PPP4R1: variants seen among roughly 807,000 people sequenced by gnomAD.
The protein encoded by PPP4R1 is serine/threonine-protein phosphatase 4 regulatory subunit 1.
In PPP4R1, 42 loss-of-function variants were observed where a neutral mutation model predicts 111.2. That is an observed-to-expected ratio of 0.38 (90% CI 0.29 to 0.49). The LOEUF (loss-of-function observed/expected upper bound fraction) is 0.49. PPP4R1 is among the 20% of genes least tolerant of loss of function. The pLI, the probability that PPP4R1 is intolerant of heterozygous loss-of-function variation, is 0.97. For missense variants in PPP4R1, 1,012 were observed against 1,161.6 expected (o/e 0.87, Z 1.87); for synonymous variants, 409 against 405.5 (o/e 1.01, Z -0.10).
At chr18:9,566,787 C>G (rs191701613) in intron 11 of PPP4R1, among the ~76,000 whole-genome samples, 1 of 152,166 alleles carries the variant, frequency 6.6e-6, no homozygotes, top group Non-Finnish European at 1.5e-5. Context: ...AAAAGTAAAG[C>G]CTGGATGAGA....
At chr18:9,608,914 GT>G (rs1446407133) in intron 2 of PPP4R1, among the ~76,000 whole-genome samples, 7 of 152,178 alleles carry the variant, frequency 4.6e-5, no homozygotes, top group Admixed American at 2.0e-4. Flanking sequence ...ACCTCCTGAG[GT>G]CTATTTATCT....
At chr18:9,578,035 T>C (rs537678236) in intron 9 of PPP4R1, among the ~76,000 whole-genome samples, 3 of 152,320 alleles carry the variant, frequency 2.0e-5, no homozygotes, top group Admixed American at 6.5e-5. Flanking sequence ...GACTGTCTCA[T>C]GTAGGAGGGG....
At position 9,593,809 on chromosome 18, in the gene PPP4R1, A is replaced by ATAT; in HGVS notation, c.253_254insATA (p.Cys84_Ile85insAsn). 2 of 1,613,976 alleles carry ATAT rather than the reference A, an allele frequency of 1.2e-6. No homozygotes were observed. Among genetic ancestry groups the ATAT allele is most frequent in the Non-Finnish European group, 1.7e-6 (2 of 1,179,932 alleles). Reference sequence around the variant, plus strand: ...TCTGCTAATTCTTTCCAAAACAGCAATACAATCTCTTTCATCATCGCAGAC... The same window carrying ATAT: ...TCTGCTAATTCTTTCCAAAACAGCAATATTACAATCTCTTTCATCATCGCAGAC... On this transcript the variant is annotated inframe_insertion, in exon 4 of 20. Coordinates refer to ENST00000400556, the MANE Select transcript of PPP4R1 (RefSeq NM_001042388.3).
At chr18:9,595,186 A>C in intron 2 of PPP4R1, 33 bp from the exon 3 acceptor site, 1 of 1,598,548 alleles carries the variant, frequency 6.3e-7, no homozygotes. Context: ...TCCTTATAAC[A>C]CTTTGAAACT....
chr18:9,577,001 G>T, intron 10 of PPP4R1, 63 bp downstream of exon 10: 2 of 1,361,644 alleles, frequency 1.5e-6, no homozygotes, highest in Non-Finnish European at 2.0e-6. Flanking sequence ...TGGAAATAAT[G>T]TTTAAAAGCA....
At chr18:9,592,630 T>C (rs919948617) in intron 4 of PPP4R1, among the ~76,000 whole-genome samples, 1 of 150,848 alleles carries the variant, frequency 6.6e-6, no homozygotes, top group African/African-American at 2.4e-5. Flanking sequence ...ACTATGAATT[T>C]ACCAATGTGA....
intron 9 of PPP4R1, among the ~76,000 whole-genome samples, chr18:9,582,854 G>C (rs1385588382): frequency 6.6e-6 from 1 of 152,142 alleles, no homozygotes; most frequent in Non-Finnish European, 1.5e-5. Flanking sequence ...AAAGATGCAA[G>C]TGGTTTAACA....
chr18:9,584,559 C>T lies in PPP4R1; in HGVS notation c.715G>A (p.Asp239Asn), dbSNP rs188422269. ...VRKVCAANFG[D>N]ICSVVGQQAT... ...TGCTGGCCAACTACACTGCAAATAT[C>T]TCCAAAATTGGCAGCACAGACCTGA... Residue 239 changes from aspartate to asparagine, a missense_variant, in exon 8 of 20, where the codon GAT (aspartate) becomes AAT (asparagine). Transcript: ENST00000400556. The T allele has an allele frequency of 1.1e-4, 172 of 1,613,322 alleles. No individual in the cohort carries two copies. In the Admixed American group the frequency reaches 1.2e-3, roughly 11 times the overall value.
chr18:9,614,074 T>A lies in PPP4R1; in HGVS notation c.52+152A>T. ...CGCCGTTTCCTCACGGACGCGAGAT[T>A]TTCCCCCCCGATCGCCACCCCAGCC... On this transcript the variant is annotated intron_variant, in intron 2 of 19. Coordinates refer to ENST00000400556, the MANE Select transcript of PPP4R1 (RefSeq NM_001042388.3). The surrounding 1 kb of genome is among the most constrained non-coding windows in gnomAD (Gnocchi z 4.1). 1.7e-6 allele frequency: 1 copy of A among 575,124 alleles called. No homozygotes were observed. The highest frequency in any genetic ancestry group is 2.0e-5 in the African/African-American group (1 of 49,706). 35.6% of individuals were successfully genotyped at this position (575,124 alleles called of 1,614,324 possible).
chr18:9,593,680 C>T, intron 4 of PPP4R1, 88 bp downstream of exon 4: 3 of 1,148,968 alleles, frequency 2.6e-6, no homozygotes, highest in South Asian at 1.4e-5. Flanking sequence ...TCTCATATCA[C>T]ATTAACTTGT....
intron 11 of PPP4R1, 22 bp downstream of exon 11, chr18:9,570,135 A>AT: frequency 1.3e-6 from 2 of 1,482,702 alleles, no homozygotes; most frequent in Non-Finnish European, 1.8e-6. Context: ...TTCAGAATAA[A>AT]TAACTTGATT....
upstream of PPP4R1, among the ~76,000 whole-genome samples, chr18:9,615,822 C>T (rs1451340436): frequency 6.6e-6 from 1 of 152,178 alleles, no homozygotes; most frequent in Non-Finnish European, 1.5e-5. Context: ...TTTAATGCCA[C>T]TGAAGATTTA....
At chr18:9,585,404 G>C (rs960400820) in intron 6 of PPP4R1, among the ~76,000 whole-genome samples, 7 of 152,172 alleles carry the variant, frequency 4.6e-5, no homozygotes, top group African/African-American at 1.4e-4. Context: ...GCATGTTTCA[G>C]TTAACACAAT....
chr18:9,605,972 T>C (rs1001590986), intron 2 of PPP4R1, among the ~76,000 whole-genome samples: 1 of 152,198 alleles, frequency 6.6e-6, no homozygotes, highest in Non-Finnish European at 1.5e-5. Context: ...ACGAGCAAAC[T>C]GGCAAAATGT....
At chr18:9,614,655 C>T (rs1370687202), upstream of PPP4R1, 5 of 165,980 alleles carry the variant, frequency 3.0e-5, no homozygotes, top group African/African-American at 7.6e-5. The surrounding 1 kb of genome is among the most constrained non-coding windows in gnomAD (Gnocchi z 4.1). Flanking sequence ...CCGCGGGCGG[C>T]GCGGCTCCCG....
Position 9,570,272 on chromosome 18 carries a change from C to T in PPP4R1, c.1458G>A (p.Glu486=). The T allele has an allele frequency of 1.2e-6, 2 of 1,611,576 alleles. No homozygotes were observed. The highest frequency in any genetic ancestry group is 1.7e-5 in the Admixed American group (1 of 59,490). ...TGGGCACAGGGCCCTCAGATTCTTC[C>T]TCTGGTCCCTCTGGGCTGGGTTTTC... is the stretch of plus-strand genomic sequence containing the variant. The part of the protein sequence containing the change: ...SGGKPSPEGP[E]EESEGPVPSS... The change falls in exon 11 of 20, where the codon GAG becomes GAA. Residue 486 remains glutamate, a synonymous_variant. Coordinates refer to ENST00000400556, the MANE Select transcript of PPP4R1 (RefSeq NM_001042388.3).
intron 9 of PPP4R1, among the ~76,000 whole-genome samples, chr18:9,578,613 T>C (rs185198397): frequency 2.2e-3 from 327 of 151,894 alleles, no homozygotes; most frequent in African/African-American, 7.6e-3. Context: ...AATTATATAG[T>C]AAGCATGATT....
At chr18:9,563,276 CAG>C in intron 12 of PPP4R1, 100 bp downstream of exon 12, 1 of 1,249,958 alleles carries the variant, frequency 8.0e-7, no homozygotes, top group East Asian at 2.8e-5. Flanking sequence ...CAGCAACAAA[CAG>C]AACATACAAA....
intron 5 of PPP4R1, 102 bp from the exon 6 acceptor site, chr18:9,588,337 T>G: frequency 7.9e-7 from 1 of 1,258,686 alleles, no homozygotes; most frequent in Non-Finnish European, 1.1e-6. Context: ...AAGGGACCCA[T>G]AACTGGCAAA....
Sources: gnomAD v4.1 joint callset for allele counts (sites outside exome capture counted in the v4.1 genomes callset) on GRCh38, gnomAD v4.1.1 for gene constraint, Gnocchi (gnomAD v3.1) non-coding constraint, MANE v1.5 for transcripts, NCBI Gene and HGNC (gene_info 2026-07-23, HGNC 2026-07-21) for gene names.